SLC22A8: variants seen among roughly 807,000 people sequenced by gnomAD.
SLC22A8 encodes organic anion transporter 3.
In SLC22A8, 40 loss-of-function variants were observed where a neutral mutation model predicts 48.4. The observed-to-expected ratio is 0.83, with a 90% confidence interval of 0.64 to 1.08. The LOEUF is 1.08. SLC22A8 is among the 50% of genes least tolerant of loss of function. The probability of loss-of-function intolerance (pLI) is 0.00; values close to 1 mark genes in which losing one functional copy is unlikely to be tolerated. For synonymous variants in SLC22A8, 268 were observed against 286.3 expected, an observed-to-expected ratio of 0.94 and a Z score of 0.65; for missense variants, 606 against 699.0, an observed-to-expected ratio of 0.87 and a Z score of 1.50.
chr11:63,014,039 T>G (rs993158006), intron 2 of SLC22A8, among the ~76,000 whole-genome samples: 5 of 152,134 alleles, frequency 3.3e-5, no homozygotes, highest in African/African-American at 1.2e-4. Flanking sequence ...TGTGGAGTGT[T>G]TCAAGCCTCC....
intron 2 of SLC22A8, among the ~76,000 whole-genome samples, chr11:63,010,190 T>C (rs2086601960): frequency 1.3e-5 from 2 of 152,202 alleles, no homozygotes; most frequent in Admixed American, 6.5e-5. Flanking sequence ...TCACACTTGC[T>C]TTCTTAGCCC....
chr11:62,999,101 G>A lies in SLC22A8; in HGVS notation c.593-12C>T. The A allele has an allele frequency of 6.2e-7, 1 of 1,607,966 alleles. No homozygotes were observed. Among genetic ancestry groups the A allele is most frequent in the Non-Finnish European group, 8.5e-7 (1 of 1,175,214 alleles). ...CACCCATTCCACATCTGTGGGAGGA[G>A]TCCAAGCACCAGATTAGTGTTCTGC... On this transcript the variant is annotated splice_polypyrimidine_tract_variant and intron_variant, in intron 4 of 10. Coordinates refer to ENST00000336232, the MANE Select transcript of SLC22A8 (RefSeq NM_004254.4).
intron 2 of SLC22A8, among the ~76,000 whole-genome samples, chr11:63,003,337 G>A (rs982854176): frequency 1.3e-5 from 2 of 152,234 alleles, no homozygotes; most frequent in African/African-American, 2.4e-5. Flanking sequence ...TTGGAAGTGA[G>A]GGAGAATGGT....
At chr11:62,999,902 ACT>A (rs1281377942) in intron 3 of SLC22A8, 60 bp from the exon 4 acceptor site, 102 of 1,369,100 alleles carry the variant, frequency 7.5e-5, no homozygotes, top group Non-Finnish European at 9.3e-5. Flanking sequence ...AAGAGGAGTG[ACT>A]CTGCATGCTG....
intron 2 of SLC22A8, among the ~76,000 whole-genome samples, chr11:63,012,827 C>G (rs1020342845): frequency 6.6e-6 from 1 of 152,176 alleles, no homozygotes; most frequent in Non-Finnish European, 1.5e-5. Context: ...AGCGGCTCTT[C>G]GACTTTATGT....
rs1372199545 is a variant in SLC22A8 at position 62,994,539 on chromosome 11, C to T, written c.1216+3G>A. The T allele has an allele frequency of 6.3e-7, 1 of 1,596,600 alleles. No homozygotes were observed. The highest frequency in any genetic ancestry group is 2.3e-5 in the East Asian group (1 of 44,338). ...GGGTTCTGGGGTAGCCCCAGTCTCTCACCCAAGGGCACAAAGGTGAGAGCC... is the reference window on the plus strand; with the variant it reads ...GGGTTCTGGGGTAGCCCCAGTCTCTTACCCAAGGGCACAAAGGTGAGAGCC... On this transcript the variant is annotated splice_donor_region_variant and intron_variant, in intron 8 of 10. Transcript: ENST00000336232.
In SLC22A8 at chr11:63,014,794, G is replaced by A. The variant is rs775143649; in HGVS notation, c.165C>T (p.Ala55=). 6.2e-7 allele frequency: 1 copy of A among 1,613,054 alleles called. No homozygotes were observed. Among genetic ancestry groups the A allele is most frequent in the Admixed American group, 1.7e-5 (1 of 59,966 alleles). The stretch of plus-strand genomic sequence containing the variant: ...TGGGGAGCACCCAAGGCCCTGTGGA[G>A]GCATTGTGGGGCGGGCGACAGTGGT... The part of the protein sequence containing the change: ...PVHHCRPPHN[A]STGPWVLPMG... Residue 55 remains alanine (A), a synonymous_variant, in exon 2 of 11, where the codon GCC becomes GCT. Transcript: ENST00000336232.
At position 63,014,986 on chromosome 11, in the gene SLC22A8, G is replaced by A. The variant is rs1352067392; in HGVS notation, c.-25-3C>T. 5 of 1,523,722 alleles carry A rather than the reference G, an allele frequency of 3.3e-6. No individual in the cohort carries two copies. The African/African-American group carries it at 6.9e-5, about 21-fold the overall frequency. 94.4% of individuals were successfully genotyped at this position (1,523,722 alleles called of 1,614,324 possible). ...CACTGGGGCAAGACGAGCCAGAGCTGTGGGCAGGGCATAGGCCAGGGAGAG... is the reference window on the plus strand; with the variant it reads ...CACTGGGGCAAGACGAGCCAGAGCTATGGGCAGGGCATAGGCCAGGGAGAG... On this transcript the variant is annotated splice_region_variant and splice_polypyrimidine_tract_variant and intron_variant, in intron 1 of 10. Coordinates refer to ENST00000336232, the MANE Select transcript of SLC22A8 (RefSeq NM_004254.4).
intron 2 of SLC22A8, among the ~76,000 whole-genome samples, chr11:63,013,993 C>CTG (rs965732914): frequency 6.6e-6 from 1 of 151,908 alleles, no homozygotes; most frequent in Non-Finnish European, 1.5e-5. Context: ...CCATGAGTGA[C>CTG]TGTGTGTGTG....
At chr11:62,994,323 A>G (rs1305706779) in intron 8 of SLC22A8, 3 of 588,052 alleles carry the variant, frequency 5.1e-6, no homozygotes, top group Non-Finnish European at 9.1e-6. Flanking sequence ...TCCAGATACC[A>G]CCATACTTTT....
At chr11:62,995,875 A>C in intron 6 of SLC22A8, 56 bp from the exon 7 acceptor site, 1 of 1,520,808 alleles carries the variant, frequency 6.6e-7, no homozygotes. Flanking sequence ...GGGCAGGACG[A>C]AGAGAGGGAG....
At chr11:63,002,724 T>C (rs2086510803) in intron 2 of SLC22A8, among the ~76,000 whole-genome samples, 1 of 152,264 alleles carries the variant, frequency 6.6e-6, no homozygotes, top group Admixed American at 6.5e-5. Flanking sequence ...ATCTGGATTC[T>C]TCTATTTCCA....
intron 5 of SLC22A8, among the ~76,000 whole-genome samples, chr11:62,998,132 A>G (rs1258288906): frequency 2.0e-5 from 3 of 152,074 alleles, no homozygotes; most frequent in African/African-American, 7.2e-5. Flanking sequence ...TTGTATTTTT[A>G]GTAGAGATGG....
intron 2 of SLC22A8, among the ~76,000 whole-genome samples, chr11:63,013,167 C>T (rs2086637977): frequency 6.6e-6 from 1 of 152,118 alleles, no homozygotes; most frequent in Non-Finnish European, 1.5e-5. Context: ...AGAACAATGC[C>T]TACCACATAG....
In SLC22A8 at chr11:62,996,098, G is replaced by A. The variant is rs2086416638; in HGVS notation, c.816C>T (p.Ala272=). Residue 272 remains alanine (A), a synonymous_variant, in exon 6 of 11, where the codon GCC becomes GCT. Coordinates refer to ENST00000336232, the MANE Select transcript of SLC22A8 (RefSeq NM_004254.4). ...CAGCCACCCGCCGGAGTATCTTCAGGGCCTTCGAGGACTTTCCAGACAAGA... is the reference window on the plus strand; with the variant it reads ...CAGCCACCCGCCGGAGTATCTTCAGAGCCTTCGAGGACTTTCCAGACAAGA... ...WLVLSGKSSK[A]LKILRRVAVF... The A allele has an allele frequency of 6.2e-7, 1 of 1,613,882 alleles. No individual in the cohort carries two copies. Among genetic ancestry groups the A allele is most frequent in the Non-Finnish European group, 8.5e-7 (1 of 1,179,902 alleles).
chr11:63,006,595 G>GTTTTGTT (rs2086557414), intron 2 of SLC22A8, among the ~76,000 whole-genome samples: 1 of 51,402 alleles, frequency 1.9e-5, no homozygotes, highest in Non-Finnish European at 3.5e-5. Flanking sequence ...TCTCATTTGA[G>GTTTTGTT]TTTTTTTTTT....
intron 4 of SLC22A8, 29 bp from the exon 5 acceptor site, chr11:62,999,118 G>C: frequency 6.3e-7 from 1 of 1,597,130 alleles, no homozygotes; most frequent in Non-Finnish European, 8.6e-7. Flanking sequence ...CACCAGATTA[G>C]TGTTCTGCTA....
At position 63,006,422 on chromosome 11, in the gene SLC22A8, C is replaced by T. The variant is rs555967961; in HGVS notation, c.334-5599G>A. On this transcript the variant is annotated intron_variant, in intron 2 of 10. Transcript: ENST00000336232. ...GGTGGTCAATAAGTGTTTGTCAGTTCGATAAATGGATAAGAGTGTCTAGCC... is the reference window on the plus strand; with the variant it reads ...GGTGGTCAATAAGTGTTTGTCAGTTTGATAAATGGATAAGAGTGTCTAGCC... 5.9e-5 allele frequency among the ~76,000 whole-genome samples: 9 copies of T among 151,988 alleles called. No homozygotes were observed. The South Asian group carries it at 1.0e-3, about 18-fold the overall frequency.
chr11:62,997,545 G>A (rs530102512), intron 5 of SLC22A8, among the ~76,000 whole-genome samples: 1 of 152,122 alleles, frequency 6.6e-6, no homozygotes, highest in Non-Finnish European at 1.5e-5. Context: ...TTGATGCTCA[G>A]AGGGCATGAG....
Sources: allele counts gnomAD v4.1 joint callset (sites outside exome capture counted in the v4.1 genomes callset), GRCh38; gene constraint gnomAD v4.1.1; transcripts MANE v1.5; gene names NCBI Gene and HGNC (gene_info 2026-07-23, HGNC 2026-07-21).